Variants in NFE2L2 observed in about 807,000 individuals in gnomAD.
NFE2L2 encodes the protein nuclear factor erythroid 2-related factor 2.
A neutral mutation model predicts 49.6 loss-of-function variants in NFE2L2; 20 were observed. That is an observed-to-expected ratio of 0.40 (90% CI 0.28 to 0.59). NFE2L2 has a LOEUF of 0.59. Ranked by LOEUF, NFE2L2 falls within the 20% of genes least tolerant of loss-of-function variation. The probability of loss-of-function intolerance (pLI) is 0.40; values close to 1 mark genes in which losing one functional copy is unlikely to be tolerated. For missense variants in NFE2L2, 578 were observed against 714.2 expected, an observed-to-expected ratio of 0.81 and a Z score of 2.17; for synonymous variants, 244 against 256.5, an observed-to-expected ratio of 0.95 and a Z score of 0.47.
intron 1 of NFE2L2, among the ~76,000 whole-genome samples, chr2:177,258,318 GC>G (rs1166870224): frequency 6.6e-6 from 1 of 152,178 alleles, no homozygotes; most frequent in Non-Finnish European, 1.5e-5. Flanking sequence ...TGTGAAAGAA[GC>G]CAGCAACAGA....
In NFE2L2 at chr2:177,260,968, C is replaced by T. The variant is rs762592045; in HGVS notation, c.45+3564G>A. On this transcript the variant is annotated intron_variant, in intron 1 of 4. Transcript: ENST00000397062. ...GGTGGATCACCTGAGGTCAGGAGTT[C>T]GAGACCAGCCCAGCCTGGCCAACAT... 3.9e-5 allele frequency among the ~76,000 whole-genome samples: 6 copies of T among 151,944 alleles called. 1 individual carries two copies. The highest frequency in any genetic ancestry group is 6.3e-3 in the Middle Eastern group (2 of 316).
intron 1 of NFE2L2, among the ~76,000 whole-genome samples, chr2:177,258,351 C>T (rs960277438): frequency 6.6e-6 from 1 of 152,186 alleles, no homozygotes; most frequent in African/African-American, 2.4e-5. Context: ...TGTATGATTC[C>T]ATTTACATGC....
intron 1 of NFE2L2, among the ~76,000 whole-genome samples, chr2:177,255,513 G>A (rs1186117249): frequency 1.3e-5 from 2 of 152,190 alleles, no homozygotes; most frequent in South Asian, 2.1e-4. Context: ...TGGGGGCACT[G>A]CAGCTGACAC....
intron 1 of NFE2L2, among the ~76,000 whole-genome samples, chr2:177,243,373 C>T (rs1690007082): frequency 6.6e-6 from 1 of 152,212 alleles, no homozygotes; most frequent in East Asian, 1.9e-4. Flanking sequence ...AGGGTGGGCA[C>T]ACACAATCCA....
chr2:177,256,579 A>C (rs1432970199), intron 1 of NFE2L2, among the ~76,000 whole-genome samples: 1 of 151,762 alleles, frequency 6.6e-6, no homozygotes, highest in Admixed American at 6.6e-5. Context: ...CCTAAATCTT[A>C]ACTGAAGTCC....
chr2:177,238,206 G>C (rs1235999390), intron 1 of NFE2L2, among the ~76,000 whole-genome samples: 1 of 152,200 alleles, frequency 6.6e-6, no homozygotes, highest in Non-Finnish European at 1.5e-5. Flanking sequence ...TTGTTAAGGA[G>C]ATCCCAGGAT....
intron 1 of NFE2L2, among the ~76,000 whole-genome samples, chr2:177,248,422 T>G (rs1690210892): frequency 6.6e-6 from 1 of 152,228 alleles, no homozygotes; most frequent in Admixed American, 6.5e-5. Context: ...GTTTCTTTTT[T>G]TTTTGAGACA....
At chr2:177,242,459 A>G (rs1689971397) in intron 1 of NFE2L2, among the ~76,000 whole-genome samples, 1 of 152,108 alleles carries the variant, frequency 6.6e-6, no homozygotes. Context: ...ACAAGTTAAA[A>G]CCCTAGTTCA....
chr2:177,262,645 G>C (rs2105499513), intron 1 of NFE2L2, among the ~76,000 whole-genome samples: 2 of 152,262 alleles, frequency 1.3e-5, no homozygotes, highest in South Asian at 4.1e-4. Context: ...TTTATCAAAC[G>C]TAATTGGAAA....
rs2105458479 is a variant in NFE2L2 at position 177,234,070 on chromosome 2, A to G, written c.247T>C (p.Phe83Leu). The change falls in exon 2 of 5, where the codon TTT (phenylalanine) becomes CTT (leucine). Residue 83 changes from phenylalanine to leucine, a missense_variant. Physicochemically the swap from Phe to Leu is conservative, Grantham distance 22 (BLOSUM62 0). Coordinates refer to ENST00000397062, the MANE Select transcript of NFE2L2 (RefSeq NM_006164.5). The part of the protein sequence containing the change: ...QLQLDEETGE[F>L]LPIQPAQHIQ... ...TGCTGGGCTGGCTGAATTGGGAGAA[A>G]TTCACCTGTCTCTTCATCTAGTTGT... 3 of 1,614,176 alleles carry G rather than the reference A, an allele frequency of 1.9e-6. No homozygotes were observed. The highest frequency in any genetic ancestry group is 1.6e-4 in the Middle Eastern group (1 of 6,062).
chr2:177,246,918 G>A (rs1226802450), intron 1 of NFE2L2, among the ~76,000 whole-genome samples: 1 of 151,146 alleles, frequency 6.6e-6, no homozygotes, highest in Non-Finnish European at 1.5e-5. Context: ...TATTTTTAAT[G>A]ACTGGACATT....
chr2:177,253,614 C>T (rs1039497171), intron 1 of NFE2L2, among the ~76,000 whole-genome samples: 4 of 152,082 alleles, frequency 2.6e-5, no homozygotes, highest in Admixed American at 1.3e-4. Flanking sequence ...TCATTGTCTA[C>T]CTAAGATATA....
chr2:177,240,206 C>T (rs1268420518), intron 1 of NFE2L2, among the ~76,000 whole-genome samples: 1 of 152,156 alleles, frequency 6.6e-6, no homozygotes, highest in Non-Finnish European at 1.5e-5. Flanking sequence ...AGGGAAGTGC[C>T]TAAGGAAGAA....
Position 177,259,913 on chromosome 2 carries a change from C to CA in NFE2L2, c.45+4618dup, listed in dbSNP as rs570090354. Among the ~76,000 whole-genome samples the CA allele has an allele frequency of 2.9e-3, 440 of 151,992 alleles. 3 individuals carry two copies. The highest frequency in any genetic ancestry group is 0.01 in the African/African-American group (424 of 41,450). On this transcript the variant is annotated intron_variant, in intron 1 of 4. Transcript: ENST00000397062. Reference sequence around the variant, plus strand: ...TGCCACTGCACTCCAGCCTGGGCGACAGAGCAAGACTGCGTCTCAAAAAAA... The same window carrying CA: ...TGCCACTGCACTCCAGCCTGGGCGACAAGAGCAAGACTGCGTCTCAAAAAAA...
In NFE2L2 at chr2:177,231,809, T is replaced by G; in HGVS notation, c.794A>C (p.Gln265Pro). 1 of 1,614,234 alleles carries G rather than the reference T, an allele frequency of 6.2e-7. No individual in the cohort carries two copies. Among genetic ancestry groups the G allele is most frequent in the East Asian group, 2.2e-5 (1 of 44,892 alleles). ...TGAATTTAATGAGTTCACTGTCAAC[T>G]GGTTGGGGTCTTCTGTGGAGAGGAT... ...SSILSTEDPN[Q>P]LTVNSLNSDA... The change falls in exon 5 of 5, where the codon CAG becomes CCG. Residue 265 changes from glutamine to proline, a missense_variant. By Grantham distance (76) the Gln-to-Pro change is moderately conservative (BLOSUM62 -1). This residue lies in a region of NFE2L2 where 368 missense variants were observed against 384.6 expected (regional missense o/e 0.96). Coordinates refer to ENST00000397062, the MANE Select transcript of NFE2L2 (RefSeq NM_006164.5).
intron 1 of NFE2L2, among the ~76,000 whole-genome samples, chr2:177,238,862 T>A (rs1409365632): frequency 6.6e-6 from 1 of 152,252 alleles, no homozygotes; most frequent in African/African-American, 2.4e-5. Flanking sequence ...AGCAAATTAA[T>A]AAGCAAATTA....
chr2:177,233,789 T>C, intron 2 of NFE2L2: 1 of 625,886 alleles, frequency 1.6e-6, no homozygotes, highest in African/African-American at 1.8e-5. Context: ...AACTTAAGTC[T>C]TCCCAATCCT....
At chr2:177,239,567 C>T (rs1689872469) in intron 1 of NFE2L2, among the ~76,000 whole-genome samples, 3 of 152,084 alleles carry the variant, frequency 2.0e-5, no homozygotes, top group Admixed American at 1.3e-4. Context: ...GTCCCAGCTA[C>T]GTGGGGGACT....
chr2:177,260,059 A>G (rs2364722), intron 1 of NFE2L2, among the ~76,000 whole-genome samples: 45,794 of 152,158 alleles, frequency 0.3, 7,603 homozygotes, highest in East Asian at 0.52. Context: ...CTTGGCCTAT[A>G]CCTTAAAGCC....
Sources: allele counts gnomAD v4.1 joint callset (sites outside exome capture counted in the v4.1 genomes callset), GRCh38; gene constraint gnomAD v4.1.1; regional missense constraint gnomAD v4.1.1; transcripts MANE v1.5; gene names NCBI Gene and HGNC (gene_info 2026-07-23, HGNC 2026-07-21).